MYO16: variants seen among roughly 807,000 people sequenced by gnomAD.
The protein encoded by MYO16 is myosin XVI.
Under a neutral mutation model 205.3 loss-of-function variants are expected in MYO16, and 94 were observed. The ratio of observed to expected loss-of-function variants is 0.46; its 90% CI spans 0.39 to 0.54. The LOEUF is 0.54. Ranked by LOEUF, MYO16 falls within the 20% of genes least tolerant of loss-of-function variation. The pLI is 0.00. For missense variants in MYO16, 2,315 were observed against 2,387.5 expected, an observed-to-expected ratio of 0.97 and a Z score of 0.63; for synonymous variants, 988 against 954.0, an observed-to-expected ratio of 1.04 and a Z score of -0.66.
intron 4 of MYO16, among the ~76,000 whole-genome samples, chr13:108,735,878 T>A (rs973311907): frequency 6.6e-6 from 1 of 152,188 alleles, no homozygotes; most frequent in Non-Finnish European, 1.5e-5. Context: ...TTGATTTGCA[T>A]TTCTCTGATG....
intron 12 of MYO16, among the ~76,000 whole-genome samples, chr13:108,877,900 A>G (rs1450682700): frequency 6.6e-6 from 1 of 152,240 alleles, no homozygotes; most frequent in African/African-American, 2.4e-5. Context: ...TTTACATACA[A>G]ATCATGAGAG....
the MYO16 span, among the ~76,000 whole-genome samples, chr13:108,568,588 C>A: frequency 6.6e-6 from 1 of 152,138 alleles, no homozygotes; most frequent in East Asian, 1.9e-4. Flanking sequence ...ATAGCAGACC[C>A]TTATAAGAAA....
the MYO16 span, among the ~76,000 whole-genome samples, chr13:108,583,353 G>T: frequency 6.6e-6 from 1 of 152,132 alleles, no homozygotes; most frequent in Admixed American, 6.5e-5. Flanking sequence ...CATTATCCAC[G>T]CAGAATTCCT....
At chr13:109,060,494 G>A (rs191730383) in intron 27 of MYO16, among the ~76,000 whole-genome samples, 24 of 151,962 alleles carry the variant, frequency 1.6e-4, no homozygotes, top group African/African-American at 1.7e-4. Flanking sequence ...GGGGCTGGGG[G>A]GCAAGGGGAC....
At chr13:108,881,586 T>C (rs927007729) in intron 12 of MYO16, among the ~76,000 whole-genome samples, 2 of 152,060 alleles carry the variant, frequency 1.3e-5, no homozygotes, top group Non-Finnish European at 2.9e-5. Context: ...ATAAAAAGCA[T>C]AGACAAGGTC....
chr13:108,965,046 T>G (rs1883738602), intron 20 of MYO16, 144 bp downstream of exon 20: 1 of 914,984 alleles, frequency 1.1e-6, no homozygotes, highest in Admixed American at 2.9e-5. Context: ...GTAATCTGAC[T>G]TGATGGGTTT....
intron 1 of MYO16, among the ~76,000 whole-genome samples, chr13:108,644,172 A>T (rs1182258553): frequency 6.6e-6 from 1 of 152,146 alleles, no homozygotes; most frequent in Non-Finnish European, 1.5e-5. Flanking sequence ...TTCTGCTTAC[A>T]TAATAGGCTT....
At chr13:109,003,114 A>C (rs1039478533) in intron 21 of MYO16, among the ~76,000 whole-genome samples, 1 of 152,202 alleles carries the variant, frequency 6.6e-6, no homozygotes, top group Non-Finnish European at 1.5e-5. Context: ...TTGAAAAAAA[A>C]CATTCTACTT....
chr13:108,989,812 A>G (rs1402919786), intron 20 of MYO16, among the ~76,000 whole-genome samples: 1 of 152,124 alleles, frequency 6.6e-6, no homozygotes, highest in African/African-American at 2.4e-5. Context: ...AATTTTTTTC[A>G]GATTGTATTT....
At chr13:109,002,205 G>T (rs1885239931) in intron 21 of MYO16, among the ~76,000 whole-genome samples, 1 of 152,230 alleles carries the variant, frequency 6.6e-6, no homozygotes, top group Non-Finnish European at 1.5e-5. Context: ...AGATAGGCTT[G>T]AGAGTCACTG....
chr13:108,752,854 C>T (rs1287074228), intron 4 of MYO16, among the ~76,000 whole-genome samples: 6 of 121,506 alleles, frequency 4.9e-5, no homozygotes, highest in African/African-American at 1.8e-4. Context: ...GTGTTGGTCT[C>T]TACTAAAAAA....
At chr13:109,131,932 A>G (rs1301900248) in intron 31 of MYO16, among the ~76,000 whole-genome samples, 1 of 152,208 alleles carries the variant, frequency 6.6e-6, no homozygotes, top group African/African-American at 2.4e-5. Flanking sequence ...TTCCAAGCCC[A>G]TGTATGTCAA....
chr13:108,834,878 A>G (rs1442299111), intron 9 of MYO16, among the ~76,000 whole-genome samples: 1 of 152,080 alleles, frequency 6.6e-6, no homozygotes, highest in African/African-American at 2.4e-5. Flanking sequence ...AATATATTGA[A>G]GTTAAATTTT....
chr13:108,805,292 T>C (rs79172750), intron 6 of MYO16, among the ~76,000 whole-genome samples: 3,374 of 152,240 alleles, frequency 0.022, 121 homozygotes, highest in African/African-American at 0.076. Flanking sequence ...AAACAGTGTC[T>C]TCATTTAGAT....
At position 109,164,933 on chromosome 13, in the gene MYO16, G is replaced by C. The variant is rs773752661; in HGVS notation, c.5197G>C (p.Asp1733His). ...AACTAACATGAACATAAGTAGCCGA[G>C]ATGACCCTAGTACGTCAGAAATTAC... Reference protein sequence around the residue: ...FETNMNISSRDDPSTSEITSE... With the variant: ...FETNMNISSRHDPSTSEITSE... Residue 1733 changes from aspartate to histidine, a missense_variant, in exon 33 of 35, where the codon GAT becomes CAT. Transcript: ENST00000457511. 2 of 1,591,812 alleles carry C rather than the reference G, an allele frequency of 1.3e-6. No homozygotes were observed. The highest frequency in any genetic ancestry group is 8.5e-7 in the Non-Finnish European group (1 of 1,172,214).
At chr13:108,502,412 A>C in the MYO16 span, among the ~76,000 whole-genome samples, 1 of 152,188 alleles carries the variant, frequency 6.6e-6, no homozygotes, top group Non-Finnish European at 1.5e-5. Flanking sequence ...TTCCTCATGA[A>C]GTCATTCTGG....
rs1407349191 is a variant in MYO16, at chr13:108,677,315, G to GCA, written c.292+11166_292+11167insCA. Among the ~76,000 whole-genome samples, 7 of 131,954 alleles carry GCA rather than the reference G, an allele frequency of 5.3e-5. No individual in the cohort carries two copies. In the East Asian group the frequency reaches 1.6e-3, roughly 31 times the overall value. 86.6% of individuals were successfully genotyped at this position (131,954 alleles called of 152,430 possible). On this transcript the variant is annotated intron_variant, in intron 2 of 34. Coordinates refer to ENST00000457511, the MANE Select transcript of MYO16 (RefSeq NM_001198950.3). ...TAGAACCCATAAGGTGCACATGCATGTGTGTGTGTGTGTGTGTGTGTATAT... is the reference window on the plus strand; with the variant it reads ...TAGAACCCATAAGGTGCACATGCATGCATGTGTGTGTGTGTGTGTGTGTATAT...
At chr13:108,565,495 G>A in the MYO16 span, among the ~76,000 whole-genome samples, 1 of 152,098 alleles carries the variant, frequency 6.6e-6, no homozygotes, top group Non-Finnish European at 1.5e-5. Flanking sequence ...TTGGCATATA[G>A]AAATGTAACT....
At chr13:108,867,153 G>A (rs1878762156) in intron 12 of MYO16, among the ~76,000 whole-genome samples, 1 of 151,058 alleles carries the variant, frequency 6.6e-6, no homozygotes, top group Non-Finnish European at 1.5e-5. Context: ...AGACCATCCT[G>A]GGCAACATAA....
Sources: gnomAD v4.1 joint callset for allele counts (sites outside exome capture counted in the v4.1 genomes callset) on GRCh38, gnomAD v4.1.1 for gene constraint, MANE v1.5 for transcripts, NCBI Gene and HGNC (gene_info 2026-07-23, HGNC 2026-07-21) for gene names.